The following E2F3 variants were observed in gnomAD, a reference collection of about 807,000 sequenced individuals.
The protein encoded by E2F3 is E2F transcription factor 3, also known as transcription factor E2F3.
A neutral mutation model predicts 44.4 loss-of-function variants in E2F3; 11 were observed. That is an observed-to-expected ratio of 0.25 (90% CI 0.16 to 0.41). The LOEUF (loss-of-function observed/expected upper bound fraction) is 0.41, where lower values mean the gene tolerates loss of function less well. Among genes scored for constraint, E2F3 ranks in the 10% least tolerant of loss-of-function variants. E2F3 has a pLI of 1.00. For synonymous variants in E2F3, 249 were observed against 253.0 expected, an observed-to-expected ratio of 0.98 and a Z score of 0.15; for missense variants, 487 against 583.6, an observed-to-expected ratio of 0.83 and a Z score of 1.70.
chr6:20,433,353 G>C (rs563036620), intron 1 of E2F3, among the ~76,000 whole-genome samples: 2 of 152,298 alleles, frequency 1.3e-5, no homozygotes, highest in Non-Finnish European at 2.9e-5. Context: ...TTACAGACCA[G>C]TTCTATGGTT....
chr6:20,454,993 T>C (rs562526400), intron 1 of E2F3, among the ~76,000 whole-genome samples: 160 of 152,308 alleles, frequency 1.1e-3, no homozygotes, highest in African/African-American at 3.7e-3. Flanking sequence ...GATTTTTTTT[T>C]ATTACCCAGC....
intron 1 of E2F3, among the ~76,000 whole-genome samples, chr6:20,426,372 A>G (rs941069935): frequency 6.6e-6 from 1 of 152,242 alleles, no homozygotes; most frequent in African/African-American, 2.4e-5. Flanking sequence ...TGTATTACAC[A>G]ATAGAAGGCA....
At chr6:20,456,429 A>G (rs1330075754) in intron 1 of E2F3, among the ~76,000 whole-genome samples, 6 of 152,158 alleles carry the variant, frequency 3.9e-5, no homozygotes, top group Admixed American at 3.3e-4. Context: ...ATTCACCTTT[A>G]TAAACCATTC....
intron 3 of E2F3, among the ~76,000 whole-genome samples, chr6:20,482,537 C>A: frequency 6.7e-6 from 1 of 148,924 alleles, no homozygotes; most frequent in East Asian, 2.0e-4. Flanking sequence ...CTGAAAATAG[C>A]AGTGCGCTTT....
intron 1 of E2F3, among the ~76,000 whole-genome samples, chr6:20,478,010 A>G (rs982554150): frequency 6.6e-6 from 1 of 150,502 alleles, no homozygotes; most frequent in Non-Finnish European, 1.5e-5. Flanking sequence ...TGGGCAACAT[A>G]CAGAGGCCCC....
chr6:20,474,616 A>G (rs942838822), intron 1 of E2F3, among the ~76,000 whole-genome samples: 1 of 152,220 alleles, frequency 6.6e-6, no homozygotes, highest in African/African-American at 2.4e-5. Context: ...AGAGATTTCC[A>G]TCTACCCTGG....
chr6:20,476,245 C>G (rs1455828468), intron 1 of E2F3, among the ~76,000 whole-genome samples: 2 of 152,126 alleles, frequency 1.3e-5, no homozygotes. Context: ...GTGGCGGACG[C>G]CTGTAGTCCC....
In E2F3 at chr6:20,426,053, G is replaced by A. The variant is rs186329957; in HGVS notation, c.393+23428G>A. Among the ~76,000 whole-genome samples, 394 of 152,306 alleles carry A rather than the reference G, an allele frequency of 2.6e-3. 3 individuals are homozygous for A. The highest frequency in any genetic ancestry group is 8.2e-3 in the African/African-American group (342 of 41,564). ...GTGTATTGATTTTGTGTGTAAAATG[G>A]ACTAAGAGGCCTGTGACAATGAGTC... On this transcript the variant is annotated intron_variant, in intron 1 of 6. Transcript: ENST00000346618.
Position 20,402,612 on chromosome 6 carries a change from GC to G in E2F3, c.381del (p.Gly128AlafsTer11). 1 of 1,340,406 alleles carries G rather than the reference GC, an allele frequency of 7.5e-7. No homozygotes were observed. The highest frequency in any genetic ancestry group is 9.5e-7 in the Non-Finnish European group (1 of 1,054,542). The allele number at this position is 1,340,406 out of a possible 1,614,324, so 83.0% of individuals were successfully genotyped here. On this transcript the variant is annotated frameshift_variant, in exon 1 of 7. Transcript: ENST00000346618. LOFTEE classifies it high-confidence loss of function. This position sits in a 1 kb window ranked among gnomAD's most constrained non-coding sequence, Gnocchi z 5.6. ...CTGGGACGCGGCGGCAGCGGCGGCG[GC>G]GGCGGCCCTCCGGTAATACCCTCCC... ...PALGRGGSGGGGGPPAKRRLE... is the reference protein window; with the variant it reads ...PALGRGGSGGXGGPPAKRRLE...
chr6:20,412,448 G>A (rs979146915), intron 1 of E2F3, among the ~76,000 whole-genome samples: 1 of 152,070 alleles, frequency 6.6e-6, no homozygotes. Flanking sequence ...CCTTTCTGGC[G>A]GGGAGACATA....
chr6:20,478,161 T>A (rs1289289540), intron 1 of E2F3, among the ~76,000 whole-genome samples: 1 of 152,182 alleles, frequency 6.6e-6, no homozygotes, highest in Non-Finnish European at 1.5e-5. Flanking sequence ...ATCACACCAC[T>A]GCACTCCAGC....
At chr6:20,483,572 G>A (rs115305041) in intron 4 of E2F3, among the ~76,000 whole-genome samples, 7 of 152,130 alleles carry the variant, frequency 4.6e-5, no homozygotes, top group African/African-American at 1.7e-4. Context: ...ATTAGTCCTC[G>A]CAAATAAAAA....
intron 1 of E2F3, among the ~76,000 whole-genome samples, chr6:20,462,767 A>G (rs1047855121): frequency 6.6e-6 from 1 of 150,808 alleles, no homozygotes; most frequent in African/African-American, 2.4e-5. Context: ...CTAGTTCACT[A>G]ATTCCTATAG....
chr6:20,452,533 T>A (rs775130800), intron 1 of E2F3: 6 of 152,230 alleles, frequency 3.9e-5, no homozygotes, highest in Non-Finnish European at 7.3e-5. Flanking sequence ...ACCAATAGAG[T>A]GGGTTATCAA....
chr6:20,431,514 G>A (rs1479813539), intron 1 of E2F3, among the ~76,000 whole-genome samples: 1 of 152,070 alleles, frequency 6.6e-6, no homozygotes, highest in East Asian at 1.9e-4. Context: ...TGAGTCGGAG[G>A]GGGGTCAACA....
At chr6:20,437,329 CTATTATTCTGGTTTCCAA>C (rs1411653779) in intron 1 of E2F3, among the ~76,000 whole-genome samples, 1 of 152,142 alleles carries the variant, frequency 6.6e-6, no homozygotes, top group Admixed American at 6.5e-5. Flanking sequence ...CGGGGCAAGG[CTATTATTCTGGTTTCCAA>C]TACCCTTTAT....
chr6:20,403,461 CG>C (rs1759379711), intron 1 of E2F3, among the ~76,000 whole-genome samples: 2 of 151,784 alleles, frequency 1.3e-5, no homozygotes, highest in African/African-American at 4.8e-5. Context: ...CGACGGAGGG[CG>C]GGGGCAGCTG....
chr6:20,412,180 G>A (rs567579478), intron 1 of E2F3, among the ~76,000 whole-genome samples: 30 of 152,298 alleles, frequency 2.0e-4, no homozygotes, highest in African/African-American at 6.7e-4. Flanking sequence ...GGTGTCGACA[G>A]AAAGTGCCAG....
intron 1 of E2F3, among the ~76,000 whole-genome samples, chr6:20,405,492 T>A (rs1049906750): frequency 3.3e-5 from 5 of 151,400 alleles, no homozygotes; most frequent in Admixed American, 2.6e-4. Context: ...ATTACAGGCG[T>A]GAGCCACCAC....
Sources: allele counts gnomAD v4.1 joint callset (sites outside exome capture counted in the v4.1 genomes callset), GRCh38; gene constraint gnomAD v4.1.1; non-coding constraint Gnocchi (gnomAD v3.1); transcripts MANE v1.5; gene names NCBI Gene and HGNC (gene_info 2026-07-23, HGNC 2026-07-21).